KNSTRN: variants seen among roughly 807,000 people sequenced by gnomAD.
KNSTRN encodes the protein small kinetochore-associated protein.
In KNSTRN, 38 loss-of-function variants were observed where a neutral mutation model predicts 44.7. That is an observed-to-expected ratio of 0.85 (90% CI 0.66 to 1.11). The LOEUF is 1.11. KNSTRN is among the 50% of genes most tolerant of loss of function. The probability of loss-of-function intolerance (pLI) is 0.00; values close to 1 mark genes in which losing one functional copy is unlikely to be tolerated. For missense variants in KNSTRN, 406 were observed against 375.8 expected (o/e 1.08, Z -0.66); for synonymous variants, 158 against 148.1 (o/e 1.07, Z -0.48).
At chr15:40,392,154 A>T in intron 8 of KNSTRN, 131 bp downstream of exon 8, 1 of 653,818 alleles carries the variant, frequency 1.5e-6, no homozygotes, top group Non-Finnish European at 2.4e-6. Flanking sequence ...AGTTACAAAG[A>T]TAATACAGAA....
At position 40,389,522 on chromosome 15, in the gene KNSTRN, A is replaced by G. The variant is rs776735898; in HGVS notation, c.502A>G (p.Lys168Glu). Residue 168 changes from lysine (K) to glutamate (E), a missense_variant, in exon 5 of 9, where the codon AAG (lysine) becomes GAG (glutamate). Transcript: ENST00000249776. The stretch of plus-strand genomic sequence containing the variant: ...TTATTACAGCTACAAACCACTGAGT[A>G]AGCAAAAATCAGAGGAAGAGCTCAA... ...NVRKGYKPLS[K>E]QKSEEELKDK... 11 of 1,613,530 alleles carry G rather than the reference A, an allele frequency of 6.8e-6. 1 individual carries two copies. In the South Asian group the frequency reaches 1.2e-4, roughly 18 times the overall value.
In KNSTRN at chr15:40,383,230, T is replaced by G. The variant is rs777525170; in HGVS notation, c.212T>G (p.Val71Gly). ...DCGQDRRAPG[V>G]QPCRLVTMTS... ...AACATTCATCCTGTACCTTCCAGGG[T>G]TCAGCCGTGCCGCCTCGTTACGATG... The change falls in exon 2 of 9, where the codon GTT becomes GGT. Residue 71 changes from valine (V) to glycine (G), a missense_variant and splice_region_variant. Physicochemically the swap from Val to Gly is moderately radical, Grantham distance 109 (BLOSUM62 -3). Transcript: ENST00000249776. 1.9e-6 allele frequency: 3 copies of G among 1,613,644 alleles called. No homozygotes were observed. The African/African-American group carries it at 4.0e-5, about 22-fold the overall frequency.
Position 40,382,732 on chromosome 15 carries a change from T to A in KNSTRN, c.-104T>A. ...GACGCTGGTAGCTCATTAGCTCCAT[T>A]CAAGCCTACAAATTGCATCACCCTC... On this transcript the variant is annotated 5_prime_UTR_variant, in exon 1 of 9. Coordinates refer to ENST00000249776, the MANE Select transcript of KNSTRN (RefSeq NM_033286.4). The A allele has an allele frequency of 9.8e-7, 1 of 1,015,352 alleles. No individual in the cohort carries two copies. Among genetic ancestry groups the A allele is most frequent in the Non-Finnish European group, 1.4e-6 (1 of 693,894 alleles). The allele number at this position is 1,015,352 out of a possible 1,614,324, so 62.9% of individuals were successfully genotyped here.
At chr15:40,388,708 A>T (rs1889944722) in intron 4 of KNSTRN, among the ~76,000 whole-genome samples, 1 of 152,026 alleles carries the variant, frequency 6.6e-6, no homozygotes, top group Non-Finnish European at 1.5e-5. Context: ...AAAAAAAAAA[A>T]ATGCCTTTAA....
chr15:40,389,403 A>G, intron 4 of KNSTRN, 103 bp from the exon 5 acceptor site: 3 of 777,414 alleles, frequency 3.9e-6, no homozygotes, highest in Non-Finnish European at 4.4e-6. Flanking sequence ...TGCCTGCCTC[A>G]GCCTCCCAAA....
chr15:40,392,457 G>A (rs1394136003), intron 8 of KNSTRN, among the ~76,000 whole-genome samples: 3 of 152,202 alleles, frequency 2.0e-5, no homozygotes, highest in Non-Finnish European at 2.9e-5. Context: ...GGGAGGCTGA[G>A]GTGGAAGGAT....
At chr15:40,389,391 T>C in intron 4 of KNSTRN, 115 bp from the exon 5 acceptor site, 2 of 701,310 alleles carry the variant, frequency 2.9e-6, no homozygotes, top group Non-Finnish European at 5.1e-6. Flanking sequence ...CCTCAGGTGA[T>C]CTGCCTGCCT....
intron 6 of KNSTRN, among the ~76,000 whole-genome samples, chr15:40,390,525 A>C (rs1595740296): frequency 6.6e-6 from 1 of 152,348 alleles, no homozygotes; most frequent in South Asian, 2.1e-4. Flanking sequence ...AAAGAGCCAG[A>C]GAATGCCCAG....
At position 40,393,646 on chromosome 15, in the gene KNSTRN, G is replaced by A. The variant is rs373391184; in HGVS notation, c.*49G>A. 5 of 1,564,382 alleles carry A rather than the reference G, an allele frequency of 3.2e-6. No homozygotes were observed. The African/African-American group carries it at 6.8e-5, about 21-fold the overall frequency. On this transcript the variant is annotated 3_prime_UTR_variant, in exon 9 of 9. Transcript: ENST00000249776. ...TCCCTCTTGGGCATAAAATCTCAGA[G>A]GAAGCTACTTAGGACATCATCTTGG...
rs367599710 is a variant in KNSTRN, at chr15:40,382,976, G to A, written c.141G>A (p.Thr47=). The change falls in exon 1 of 9, where the codon ACG becomes ACA. Residue 47 remains threonine, a synonymous_variant. Transcript: ENST00000249776. ...AGGCGGCCGACTTAGCCGGTGGCAC[G>A]ACAGTTGCTGCAGGGAATCTTTTAA... ...ETQAADLAGG[T]TVAAGNLLNE... The A allele has an allele frequency of 6.2e-7, 1 of 1,612,218 alleles. No individual in the cohort carries two copies. Among genetic ancestry groups the A allele is most frequent in the Non-Finnish European group, 8.5e-7 (1 of 1,180,034 alleles).
At chr15:40,386,662 G>T in intron 3 of KNSTRN, 168 bp downstream of exon 3, 1 of 650,016 alleles carries the variant, frequency 1.5e-6, no homozygotes. Flanking sequence ...AACCCTCTGT[G>T]TTGATCTTTC....
chr15:40,393,685 G>A lies in KNSTRN; in HGVS notation c.*88G>A. The A allele has an allele frequency of 1.7e-6, 2 of 1,210,690 alleles. No individual in the cohort carries two copies. The highest frequency in any genetic ancestry group is 2.3e-6 in the Non-Finnish European group (2 of 854,134). The allele number at this position is 1,210,690 out of a possible 1,614,324, so 75.0% of individuals were successfully genotyped here. On this transcript the variant is annotated 3_prime_UTR_variant, in exon 9 of 9. Coordinates refer to ENST00000249776, the MANE Select transcript of KNSTRN (RefSeq NM_033286.4). ...ACATCATCTTGGCCATGATCTTCTGGGACTCACCATCTCCAGAATGAAAAC... is the reference window on the plus strand; with the variant it reads ...ACATCATCTTGGCCATGATCTTCTGAGACTCACCATCTCCAGAATGAAAAC...
intron 6 of KNSTRN, 72 bp downstream of exon 6, chr15:40,390,001 C>A: frequency 1.6e-6 from 2 of 1,212,476 alleles, no homozygotes; most frequent in South Asian, 2.4e-5. Context: ...TTGATCTTGG[C>A]AGCATGGCAT....
Position 40,391,548 on chromosome 15 carries a change from C to T in KNSTRN, c.741C>T (p.Asp247=), listed in dbSNP as rs1489912424. 6.2e-7 allele frequency: 1 copy of T among 1,613,428 alleles called. No homozygotes were observed. The highest frequency in any genetic ancestry group is 8.5e-7 in the Non-Finnish European group (1 of 1,179,428). ...SRQESTTDHM[D]SMLLLETLQE... is the part of the protein sequence containing the mutation. ...AAGAATCCACTACTGATCACATGGACTCTATGGTGAGGGCATGGGTGTGAA... is the reference window on the plus strand; with the variant it reads ...AAGAATCCACTACTGATCACATGGATTCTATGGTGAGGGCATGGGTGTGAA... The change falls in exon 7 of 9, where the codon GAC becomes GAT. Residue 247 remains aspartate (D), a synonymous_variant. Transcript: ENST00000249776.
At chr15:40,386,998 G>A (rs115276140) in intron 3 of KNSTRN, 161 bp from the exon 4 acceptor site, 358 of 651,542 alleles carry the variant, frequency 5.5e-4, no homozygotes, top group African/African-American at 5.4e-3. Flanking sequence ...AATCTGTGCC[G>A]AAGCAGTAAT....
rs776611589 is a variant in KNSTRN at position 40,386,390 on chromosome 15, T to A, written c.333T>A (p.Ser111Arg). 114 of 1,613,866 alleles carry A rather than the reference T, an allele frequency of 7.1e-5. No homozygotes were observed. In the East Asian group the frequency reaches 2.1e-3, roughly 30 times the overall value. ...CACAAACTCGGGCCACTTCTAAGAGTCTCTTACCTGTTAGGTCCAAAGAAG... is the reference window on the plus strand; with the variant it reads ...CACAAACTCGGGCCACTTCTAAGAGACTCTTACCTGTTAGGTCCAAAGAAG... ...ADTQTRATSK[S>R]LLPVRSKEVD... Residue 111 changes from serine to arginine, a missense_variant, in exon 3 of 9, where the codon AGT becomes AGA. Transcript: ENST00000249776.
At chr15:40,391,853 T>C in intron 7 of KNSTRN, 96 bp from the exon 8 acceptor site, 1 of 947,226 alleles carries the variant, frequency 1.1e-6, no homozygotes, top group Admixed American at 2.4e-5. Context: ...TCCTGACTCC[T>C]TTGTTGAGAA....
At chr15:40,384,265 T>C (rs1426810594) in intron 2 of KNSTRN, 1 of 294,530 alleles carries the variant, frequency 3.4e-6, no homozygotes, top group African/African-American at 2.3e-5. Context: ...TCCCAGCTAC[T>C]TGGGAGGCTG....
Position 40,389,901 on chromosome 15 carries a change from A to T in KNSTRN, c.657A>T (p.Ala219=), listed in dbSNP as rs1221853347. The part of the protein sequence containing the change: ...LLEKFRDNCL[A]ILESKGLDPA... ...AGAAGTTTCGGGACAACTGTTTGGC[A>T]ATTTTGGAGAGCAAGGGCCTTGATC... The change falls in exon 6 of 9, where the codon GCA becomes GCT. Residue 219 remains alanine (A), a synonymous_variant. Coordinates refer to ENST00000249776, the MANE Select transcript of KNSTRN (RefSeq NM_033286.4). 6.2e-7 allele frequency: 1 copy of T among 1,614,088 alleles called. No homozygotes were observed. Among genetic ancestry groups the T allele is most frequent in the East Asian group, 2.2e-5 (1 of 44,898 alleles).
Sources: gnomAD v4.1 joint callset for allele counts (sites outside exome capture counted in the v4.1 genomes callset) on GRCh38, gnomAD v4.1.1 for gene constraint, MANE v1.5 for transcripts, NCBI Gene and HGNC (gene_info 2026-07-23, HGNC 2026-07-21) for gene names.